Variants in L3MBTL4 observed in about 807,000 individuals in gnomAD.
The protein encoded by L3MBTL4 is L3MBTL histone methyl-lysine binding protein 4.
Under a neutral mutation model 84.5 loss-of-function variants are expected in L3MBTL4, and 70 were observed. The ratio of observed to expected loss-of-function variants is 0.83; its 90% CI spans 0.68 to 1.01. The LOEUF (loss-of-function observed/expected upper bound fraction) is 1.01. L3MBTL4 is among the 50% of genes least tolerant of loss of function. The pLI is 0.00. For missense variants in L3MBTL4, 715 were observed against 754.8 expected, an observed-to-expected ratio of 0.95 and a Z score of 0.62; for synonymous variants, 274 against 259.8, an observed-to-expected ratio of 1.05 and a Z score of -0.52.
chr18:6,206,809 T>A (rs1192971653), intron 12 of L3MBTL4, among the ~76,000 whole-genome samples: 1 of 152,174 alleles, frequency 6.6e-6, no homozygotes, highest in African/African-American at 2.4e-5. Flanking sequence ...TTCTTCTACC[T>A]TTTTTTACTT....
chr18:6,150,217 T>G (rs531697494), intron 13 of L3MBTL4, among the ~76,000 whole-genome samples: 1 of 152,292 alleles, frequency 6.6e-6, no homozygotes, highest in South Asian at 2.1e-4. Context: ...TGTATAAATA[T>G]GAAAGTTACC....
At chr18:6,164,899 T>A (rs2043563240) in intron 13 of L3MBTL4, among the ~76,000 whole-genome samples, 1 of 152,076 alleles carries the variant, frequency 6.6e-6, no homozygotes, top group South Asian at 2.1e-4. Context: ...AAGGAAGAAG[T>A]TTGAACCAAT....
At chr18:6,394,278 G>C (rs1269773627) in intron 1 of L3MBTL4, among the ~76,000 whole-genome samples, 3 of 152,098 alleles carry the variant, frequency 2.0e-5, no homozygotes, top group Non-Finnish European at 4.4e-5. Context: ...GACCAGCCTA[G>C]CCAATATGAT....
chr18:6,243,982 C>G (rs1245430348), intron 6 of L3MBTL4, among the ~76,000 whole-genome samples: 8 of 152,046 alleles, frequency 5.3e-5, no homozygotes, highest in Non-Finnish European at 1.2e-4. Flanking sequence ...CTGTTATGTT[C>G]AATGCTATCA....
At chr18:6,297,781 A>T (rs1363116820) in intron 4 of L3MBTL4, among the ~76,000 whole-genome samples, 1 of 152,196 alleles carries the variant, frequency 6.6e-6, no homozygotes, top group Non-Finnish European at 1.5e-5. Flanking sequence ...CAGGTAAGTG[A>T]ATTCATTTTA....
Position 6,213,220 on chromosome 18 carries a change from C to A in L3MBTL4, c.910G>T (p.Val304Phe). 1 of 1,610,922 alleles carries A rather than the reference C, an allele frequency of 6.2e-7. No individual in the cohort carries two copies. The part of the protein sequence containing the change: ...HGFLPNMKLE[V>F]VDKRNPRLIR... Reference sequence around the variant, plus strand: ...AACCTGGGGTTCCGTTTATCCACAACTTCAAGTTTCATATTTGGCAGAAAA... The same window carrying A: ...AACCTGGGGTTCCGTTTATCCACAAATTCAAGTTTCATATTTGGCAGAAAA... The change falls in exon 12 of 19, where the codon GTT (valine) becomes TTT (phenylalanine). Residue 304 changes from valine to phenylalanine, a missense_variant. Coordinates refer to ENST00000317931, the MANE Select transcript of L3MBTL4 (RefSeq NM_001330559.2).
intron 6 of L3MBTL4, 146 bp from the exon 7 acceptor site, chr18:6,243,575 A>G (rs755027435): frequency 1.8e-6 from 1 of 567,070 alleles, no homozygotes; most frequent in Non-Finnish European, 2.8e-6. Flanking sequence ...TAAAGAAGAA[A>G]TTTATGGATG....
intron 10 of L3MBTL4, among the ~76,000 whole-genome samples, chr18:6,216,422 C>G (rs2046329056): frequency 6.6e-6 from 1 of 151,868 alleles, no homozygotes. Flanking sequence ...ATTAAATTTG[C>G]TAGAGATCTA....
chr18:6,040,101 G>T (rs1486568371), intron 16 of L3MBTL4, among the ~76,000 whole-genome samples: 25 of 151,554 alleles, frequency 1.6e-4, no homozygotes. Context: ...AATATAGAAA[G>T]AAATTAAAAA....
At chr18:6,082,310 A>T (rs985796051) in intron 15 of L3MBTL4, 9 of 151,992 alleles carry the variant, frequency 5.9e-5, no homozygotes, top group South Asian at 2.1e-4. Context: ...ATTTGTTTAC[A>T]TTCTTTTTTT....
intron 16 of L3MBTL4, among the ~76,000 whole-genome samples, chr18:6,005,107 G>A (rs2054412029): frequency 1.4e-5 from 2 of 142,340 alleles, no homozygotes; most frequent in Non-Finnish European, 3.0e-5. Flanking sequence ...ACTTTGGAAG[G>A]CTGAGGTGGG....
chr18:6,275,482 C>A (rs2049041066), intron 4 of L3MBTL4, among the ~76,000 whole-genome samples: 1 of 152,118 alleles, frequency 6.6e-6, no homozygotes, highest in Admixed American at 6.6e-5. Context: ...AAAGAGGTGA[C>A]ATCAGGGGCA....
rs73376057 is a variant in L3MBTL4, at chr18:6,020,846, G to A, written c.1445-51284C>T. 5.1e-3 allele frequency among the ~76,000 whole-genome samples: 774 copies of A among 152,238 alleles called. 7 individuals carry two copies. The highest frequency in any genetic ancestry group is 0.017 in the African/African-American group (717 of 41,552). Reference sequence around the variant, plus strand: ...CTAGTTTCATATGTCTGGGGTGGACGTGCTCACTAAGCAGAGGAAGGTCAA... The same window carrying A: ...CTAGTTTCATATGTCTGGGGTGGACATGCTCACTAAGCAGAGGAAGGTCAA... On this transcript the variant is annotated intron_variant, in intron 16 of 18. Transcript: ENST00000317931.
chr18:6,059,123 G>C (rs1319230184), intron 16 of L3MBTL4, among the ~76,000 whole-genome samples: 3 of 152,190 alleles, frequency 2.0e-5, no homozygotes, highest in African/African-American at 7.2e-5. Flanking sequence ...GAGTGATGTG[G>C]AAAGGTGAAG....
At chr18:6,217,736 A>T (rs1239469920) in intron 10 of L3MBTL4, among the ~76,000 whole-genome samples, 3 of 152,072 alleles carry the variant, frequency 2.0e-5, no homozygotes, top group Non-Finnish European at 4.4e-5. Context: ...TGTGCTTTCT[A>T]TTTATTCTTG....
chr18:6,028,898 G>A lies in L3MBTL4; in HGVS notation c.1444+51983C>T, dbSNP rs373093665. ...ATAGAAGAAAGAAAAGAATTAATTC[G>A]GTTCCCCACAAGATTATCAGTTTTC... On this transcript the variant is annotated intron_variant, in intron 16 of 18. Transcript: ENST00000317931. Among the ~76,000 whole-genome samples the A allele has an allele frequency of 7.2e-5, 11 of 152,032 alleles. No individual in the cohort carries two copies. The East Asian group carries it at 1.3e-3, about 19-fold the overall frequency.
At chr18:6,194,904 G>C (rs2145571518) in intron 12 of L3MBTL4, among the ~76,000 whole-genome samples, 1 of 152,376 alleles carries the variant, frequency 6.6e-6, no homozygotes, top group Admixed American at 6.5e-5. Context: ...CCAGCACAGG[G>C]CAGGAGGAGT....
At position 5,955,231 on chromosome 18, in the gene L3MBTL4, G is replaced by A. The variant is rs1168118153; in HGVS notation, c.*989C>T. 1 of 152,222 alleles carries A rather than the reference G, an allele frequency of 6.6e-6. No individual in the cohort carries two copies. Among genetic ancestry groups the A allele is most frequent in the Non-Finnish European group, 1.5e-5 (1 of 68,042 alleles). 9.4% of individuals were successfully genotyped at this position (152,222 alleles called of 1,614,324 possible). On this transcript the variant is annotated 3_prime_UTR_variant, in exon 19 of 19. Coordinates refer to ENST00000317931, the MANE Select transcript of L3MBTL4 (RefSeq NM_001330559.2). ...ATAAGGCCTGACAACAAATCGGAAT[G>A]TTTCAAACAAAGAATAAGTACCACG...
intron 5 of L3MBTL4, among the ~76,000 whole-genome samples, chr18:6,254,916 C>A (rs896068414): frequency 2.0e-5 from 3 of 152,176 alleles, no homozygotes; most frequent in African/African-American, 7.2e-5. Context: ...TAGGTCTAGG[C>A]AACCTTAGAC....
Sources: allele counts gnomAD v4.1 joint callset (sites outside exome capture counted in the v4.1 genomes callset), GRCh38; gene constraint gnomAD v4.1.1; transcripts MANE v1.5; gene names NCBI Gene and HGNC (gene_info 2026-07-23, HGNC 2026-07-21).